Variants in ZNF804A observed in about 807,000 individuals in gnomAD.
ZNF804A encodes the protein zinc finger protein 804A.
A neutral mutation model predicts 16.5 loss-of-function variants in ZNF804A; 2 were observed. That is an observed-to-expected ratio of 0.12 (90% confidence interval 0.05 to 0.38). The LOEUF is 0.38. Among genes scored for constraint, ZNF804A ranks in the 10% least tolerant of loss-of-function variants. The probability of loss-of-function intolerance (pLI) is 0.99; values close to 1 mark genes in which losing one functional copy is unlikely to be tolerated. For missense variants in ZNF804A, 1,473 were observed against 1,390.7 expected, an observed-to-expected ratio of 1.06 and a Z score of -0.94; for synonymous variants, 534 against 489.6, an observed-to-expected ratio of 1.09 and a Z score of -1.20.
intron 1 of ZNF804A, among the ~76,000 whole-genome samples, chr2:184,709,251 G>T (rs1206010324): frequency 6.6e-6 from 1 of 152,018 alleles, no homozygotes; most frequent in Non-Finnish European, 1.5e-5. Context: ...TGAAACTAAA[G>T]AATTTTATCT....
chr2:184,767,703 T>C (rs1694150912), intron 1 of ZNF804A, among the ~76,000 whole-genome samples: 1 of 152,078 alleles, frequency 6.6e-6, no homozygotes, highest in East Asian at 1.9e-4. Flanking sequence ...GCTTTTGAAA[T>C]GTAAAAGTAA....
intron 1 of ZNF804A, among the ~76,000 whole-genome samples, chr2:184,622,302 T>A (rs1222036767): frequency 1.3e-5 from 2 of 151,858 alleles, no homozygotes; most frequent in Non-Finnish European, 3.0e-5. Flanking sequence ...CTCTAAAGTA[T>A]ACCTTTCTCC....
intron 1 of ZNF804A, among the ~76,000 whole-genome samples, chr2:184,764,833 T>C (rs1167298397): frequency 6.6e-6 from 1 of 152,194 alleles, no homozygotes; most frequent in Non-Finnish European, 1.5e-5. Context: ...AAGTAATTTA[T>C]ACTGTTTTTA....
chr2:184,654,844 C>T (rs1416333130), intron 1 of ZNF804A, among the ~76,000 whole-genome samples: 1 of 152,124 alleles, frequency 6.6e-6, no homozygotes, highest in Non-Finnish European at 1.5e-5. Flanking sequence ...CCAACCTGGG[C>T]CAAGAGAGAT....
intron 1 of ZNF804A, among the ~76,000 whole-genome samples, chr2:184,651,097 C>G (rs1390812644): frequency 6.6e-6 from 1 of 151,924 alleles, no homozygotes; most frequent in African/African-American, 2.4e-5. Flanking sequence ...AATTCAGATA[C>G]ATAGACCAAT....
At chr2:184,682,567 T>C (rs1330641242) in intron 1 of ZNF804A, among the ~76,000 whole-genome samples, 1 of 152,134 alleles carries the variant, frequency 6.6e-6, no homozygotes, top group Non-Finnish European at 1.5e-5. Flanking sequence ...CACTGCATAC[T>C]CCTTCATTAA....
At chr2:184,825,393 G>A (rs1408885944) in intron 1 of ZNF804A, among the ~76,000 whole-genome samples, 1 of 152,112 alleles carries the variant, frequency 6.6e-6, no homozygotes, top group African/African-American at 2.4e-5. Flanking sequence ...AGGATACATT[G>A]ATGAATAATA....
chr2:184,716,164 G>A (rs1374302091), intron 1 of ZNF804A, among the ~76,000 whole-genome samples: 1 of 152,032 alleles, frequency 6.6e-6, no homozygotes. Context: ...AACCAAAGAA[G>A]CATTATGACT....
chr2:184,721,170 T>C (rs1024572655), intron 1 of ZNF804A, among the ~76,000 whole-genome samples: 6 of 152,110 alleles, frequency 3.9e-5, no homozygotes, highest in African/African-American at 1.2e-4. Flanking sequence ...GAAACACTTC[T>C]GGAAATTTGC....
chr2:184,686,769 G>T (rs1692642232), intron 1 of ZNF804A, among the ~76,000 whole-genome samples: 1 of 152,160 alleles, frequency 6.6e-6, no homozygotes, highest in Non-Finnish European at 1.5e-5. Context: ...TTGTGGTTTT[G>T]ATTTGCACTT....
intron 1 of ZNF804A, among the ~76,000 whole-genome samples, chr2:184,605,584 A>G (rs1691133021): frequency 6.6e-6 from 1 of 152,132 alleles, no homozygotes; most frequent in African/African-American, 2.4e-5. Flanking sequence ...TTCCCTAAAT[A>G]ATACAGTATA....
chr2:184,619,645 T>A (rs1390609015), intron 1 of ZNF804A, among the ~76,000 whole-genome samples: 1 of 151,974 alleles, frequency 6.6e-6, no homozygotes, highest in Non-Finnish European at 1.5e-5. Context: ...GTGGGTACAG[T>A]TATTACCTCC....
At chr2:184,737,782 A>G (rs964958789) in intron 1 of ZNF804A, among the ~76,000 whole-genome samples, 1 of 152,150 alleles carries the variant, frequency 6.6e-6, no homozygotes, top group Non-Finnish European at 1.5e-5. Flanking sequence ...CAGGACAAGA[A>G]TTGCATTTGA....
intron 2 of ZNF804A, among the ~76,000 whole-genome samples, chr2:184,890,883 T>C (rs1337959179): frequency 6.6e-6 from 1 of 151,342 alleles, no homozygotes; most frequent in Non-Finnish European, 1.5e-5. Flanking sequence ...CTGTAGTATA[T>C]GTGTCAAATA....
At chr2:184,834,227 T>C (rs576926808) in intron 1 of ZNF804A, among the ~76,000 whole-genome samples, 13 of 152,236 alleles carry the variant, frequency 8.5e-5, no homozygotes, top group Admixed American at 4.6e-4. Context: ...AATAACTGTT[T>C]ATTTGATGCT....
At chr2:184,659,987 C>T (rs530805036) in intron 1 of ZNF804A, among the ~76,000 whole-genome samples, 29 of 152,178 alleles carry the variant, frequency 1.9e-4, no homozygotes, top group African/African-American at 4.8e-4. Flanking sequence ...TTTGTGTACC[C>T]GTAGTTCCAC....
At chr2:184,722,848 GGA>G (rs1179648387) in intron 1 of ZNF804A, among the ~76,000 whole-genome samples, 1 of 151,954 alleles carries the variant, frequency 6.6e-6, no homozygotes, top group Non-Finnish European at 1.5e-5. Context: ...TGACATTGAT[GGA>G]GATCATAGAT....
chr2:184,926,069 T>C (rs1685606508), intron 2 of ZNF804A, among the ~76,000 whole-genome samples: 1 of 152,118 alleles, frequency 6.6e-6, no homozygotes, highest in Non-Finnish European at 1.5e-5. Context: ...GTTACATGTT[T>C]TTCTGTGTAC....
At chr2:184,771,079 G>A (rs1694204422) in intron 1 of ZNF804A, among the ~76,000 whole-genome samples, 1 of 152,000 alleles carries the variant, frequency 6.6e-6, no homozygotes, top group African/African-American at 2.4e-5. Context: ...CATACAGTAT[G>A]AAGATGAGCA....
Sources: allele counts gnomAD v4.1 joint callset (sites outside exome capture counted in the v4.1 genomes callset), GRCh38; gene constraint gnomAD v4.1.1; transcripts MANE v1.5; gene names NCBI Gene and HGNC (gene_info 2026-07-23, HGNC 2026-07-21).